REDIC1: variants seen among roughly 807,000 people sequenced by gnomAD.
REDIC1 encodes the protein HEI10 Interacting Protein 1.
chr12:39,856,659 G>A, the REDIC1 span, among the ~76,000 whole-genome samples: 94,044 of 152,042 alleles, frequency 0.62, 29,285 homozygotes, highest in East Asian at 0.76. Context: ...GAGCCACTGC[G>A]CCCAGCCCCT....
chr12:39,872,276 C>G, the REDIC1 span, among the ~76,000 whole-genome samples: 10 of 152,262 alleles, frequency 6.6e-5, 1 homozygote, highest in South Asian at 2.1e-3. Flanking sequence ...AACTGTATCA[C>G]TTTAATTGGC....
At chr12:39,697,592 CAG>C in the REDIC1 span, among the ~76,000 whole-genome samples, 1 of 151,994 alleles carries the variant, frequency 6.6e-6, no homozygotes, top group South Asian at 2.1e-4. Flanking sequence ...ATAGAAACAA[CAG>C]AGAGTTAAAA....
At chr12:39,654,237 T>A in the REDIC1 span, among the ~76,000 whole-genome samples, 2 of 152,186 alleles carry the variant, frequency 1.3e-5, no homozygotes, top group African/African-American at 4.8e-5. Context: ...TTTAACCTGT[T>A]AATATATAAC....
chr12:39,783,485 C>T, the REDIC1 span, among the ~76,000 whole-genome samples: 1 of 152,168 alleles, frequency 6.6e-6, no homozygotes, highest in Non-Finnish European at 1.5e-5. Flanking sequence ...ACAGTCCCAC[C>T]AACAGTGTAA....
At chr12:39,726,261 A>G in the REDIC1 span, among the ~76,000 whole-genome samples, 1 of 151,976 alleles carries the variant, frequency 6.6e-6, no homozygotes, top group African/African-American at 2.4e-5. Flanking sequence ...TGCTGCACCC[A>G]TCAACCAGTC....
chr12:39,760,190 G>A, the REDIC1 span: 2 of 1,612,758 alleles, frequency 1.2e-6, no homozygotes, highest in South Asian at 2.2e-5. Context: ...TTGGTCTCAG[G>A]AAGACAGCCA....
chr12:39,854,848 G>A, the REDIC1 span, among the ~76,000 whole-genome samples: 3 of 152,216 alleles, frequency 2.0e-5, no homozygotes, highest in South Asian at 6.2e-4. Context: ...TGCACAGTTC[G>A]CTGTCATGCC....
the REDIC1 span, among the ~76,000 whole-genome samples, chr12:39,631,256 T>G: frequency 6.6e-6 from 1 of 152,214 alleles, no homozygotes; most frequent in African/African-American, 2.4e-5. Context: ...CAGTTGGAAA[T>G]TTTTATTTAA....
chr12:39,711,353 A>T, the REDIC1 span, among the ~76,000 whole-genome samples: 1 of 147,116 alleles, frequency 6.8e-6, no homozygotes, highest in Admixed American at 6.9e-5. Context: ...ATCTATATGT[A>T]TATATACATA....
chr12:39,728,723 ACCAGCTC>A, the REDIC1 span, among the ~76,000 whole-genome samples: 1 of 148,026 alleles, frequency 6.8e-6, no homozygotes, highest in Non-Finnish European at 1.5e-5. Context: ...AAGGAATGGT[ACCAGCTC>A]CTCTGTGTAC....
At chr12:39,713,729 G>A in the REDIC1 span, among the ~76,000 whole-genome samples, 25 of 147,074 alleles carry the variant, frequency 1.7e-4, no homozygotes, top group East Asian at 1.2e-3. Flanking sequence ...GTATACATGC[G>A]TATATACATA....
the REDIC1 span, among the ~76,000 whole-genome samples, chr12:39,724,585 A>G: frequency 2.0e-5 from 3 of 152,148 alleles, no homozygotes; most frequent in Non-Finnish European, 4.4e-5. Context: ...TTCTGGGGCA[A>G]GTCAAATTAA....
At chr12:39,905,618 A>G in the REDIC1 span, among the ~76,000 whole-genome samples, 113 of 152,236 alleles carry the variant, frequency 7.4e-4, no homozygotes, top group African/African-American at 2.6e-3. Context: ...TTAGTCTTGC[A>G]AATGCTGCTG....
chr12:39,896,279 CATGT>C, the REDIC1 span, among the ~76,000 whole-genome samples: 63 of 79,970 alleles, frequency 7.9e-4, 1 homozygote, highest in Non-Finnish European at 1.4e-3. Context: ...TATATGTATA[CATGT>C]ATGTATATGT....
chr12:39,736,558 G>T, the REDIC1 span, among the ~76,000 whole-genome samples: 10,850 of 152,282 alleles, frequency 0.071, 1,341 homozygotes, highest in African/African-American at 0.25. Flanking sequence ...TCCACAGAAG[G>T]TGGAGTCTAA....
chr12:39,896,007 CATGTGTATATGTATACATACATGCAT>C, the REDIC1 span, among the ~76,000 whole-genome samples: 3 of 133,642 alleles, frequency 2.2e-5, no homozygotes, highest in African/African-American at 8.7e-5. Context: ...TGTATATATA[CATGTGTATATGTATACATACATGCAT>C]ATGTTTATAT....
chr12:39,807,489 T>C, the REDIC1 span, among the ~76,000 whole-genome samples: 1 of 152,276 alleles, frequency 6.6e-6, no homozygotes, highest in East Asian at 1.9e-4. Flanking sequence ...TAAAACTGCA[T>C]GTAAATATAT....
At chr12:39,845,739 C>T in the REDIC1 span, among the ~76,000 whole-genome samples, 2 of 152,108 alleles carry the variant, frequency 1.3e-5, no homozygotes, top group Admixed American at 1.3e-4. Flanking sequence ...GCTCTCACAA[C>T]TAGACCCTAC....
the REDIC1 span, among the ~76,000 whole-genome samples, chr12:39,799,104 G>A: frequency 7.4e-6 from 1 of 135,452 alleles, no homozygotes; most frequent in African/African-American, 2.8e-5. Context: ...TTTAGACTCA[G>A]AGTCTCACTC....
Sources: gnomAD v4.1 joint callset for allele counts (sites outside exome capture counted in the v4.1 genomes callset) on GRCh38, gnomAD v4.1.1 for gene constraint, MANE v1.5 for transcripts, NCBI Gene and HGNC (gene_info 2026-07-23, HGNC 2026-07-21) for gene names.